GMNN: variants seen among roughly 807,000 people sequenced by gnomAD.
The protein encoded by GMNN is geminin DNA replication inhibitor, also known as geminin.
GMNN carries 14 observed loss-of-function variants against 20.9 expected under a neutral mutation model. The ratio of observed to expected loss-of-function variants is 0.67; its 90% confidence interval spans 0.44 to 1.05. The LOEUF is 1.05. Among genes scored for constraint, GMNN ranks in the 50% least tolerant of loss-of-function variants. The probability of loss-of-function intolerance (pLI) is 0.00; values close to 1 mark genes in which losing one functional copy is unlikely to be tolerated. For missense variants in GMNN, 227 were observed against 243.8 expected, an observed-to-expected ratio of 0.93 and a Z score of 0.46; for synonymous variants, 81 against 85.8, an observed-to-expected ratio of 0.94 and a Z score of 0.31.
chr6:24,781,578 T>A lies in GMNN; in HGVS notation c.231T>A (p.Asn77Lys). The A allele has an allele frequency of 6.4e-7, 1 of 1,553,764 alleles. No homozygotes were observed. The highest frequency in any genetic ancestry group is 8.8e-7 in the Non-Finnish European group (1 of 1,138,604). The change falls in exon 4 of 7, where the codon AAT becomes AAA. Residue 77 changes from asparagine (N) to lysine (K), a missense_variant. By Grantham distance (94) the Asn-to-Lys change is moderately conservative (BLOSUM62 0). Transcript: ENST00000230056. The part of the protein sequence containing the change: ...VIVPESSENK[N>K]LGGVTQESFD... ...TCCCAGAATCTAGTGAAAATAAAAA[T>A]CTTGGAGGAGTCACCCAGGAGTCAT...
At chr6:24,776,012 T>C (rs1013965828) in intron 1 of GMNN, among the ~76,000 whole-genome samples, 8 of 152,202 alleles carry the variant, frequency 5.3e-5, no homozygotes, top group Admixed American at 5.2e-4. Context: ...TAGGGTCTGT[T>C]TACTGGGGCC....
rs1581433390 is a variant in GMNN, at chr6:24,786,062, A to G, written c.*263A>G. ...AAACTCCTGTTGAACATTGTGTATA[A>G]CTTAGAATAATGAAATATAAGGAGT... On this transcript the variant is annotated 3_prime_UTR_variant, in exon 7 of 7. Coordinates refer to ENST00000230056, the MANE Select transcript of GMNN (RefSeq NM_015895.5). 2 of 312,590 alleles carry G rather than the reference A, an allele frequency of 6.4e-6. No individual in the cohort carries two copies. Among genetic ancestry groups the G allele is most frequent in the East Asian group, 1.4e-4 (2 of 14,652 alleles). 19.4% of individuals were successfully genotyped at this position (312,590 alleles called of 1,614,324 possible).
At position 24,784,488 on chromosome 6, in the gene GMNN, GA is replaced by G; in HGVS notation, c.407del (p.Lys136ArgfsTer9). The part of the protein sequence containing the change: ...EQKDNEIARL[K>X]KENKELAEVA... Reference sequence around the variant, plus strand: ...AAAAGGACAATGAAATTGCCCGCCTGAAAAAGGAGAATAAAGAACTGGCAGA... The same window carrying G: ...AAAAGGACAATGAAATTGCCCGCCTGAAAAGGAGAATAAAGAACTGGCAGA... On this transcript the variant is annotated frameshift_variant, in exon 6 of 7. Transcript: ENST00000230056. LOFTEE classifies it high-confidence loss of function. The G allele has an allele frequency of 3.1e-6, 5 of 1,589,148 alleles. No homozygotes were observed. Among genetic ancestry groups the G allele is most frequent in the Non-Finnish European group, 4.3e-6 (5 of 1,157,460 alleles).
chr6:24,777,180 C>T, intron 1 of GMNN, 42 bp from the exon 2 acceptor site: 1 of 637,640 alleles, frequency 1.6e-6, no homozygotes, highest in Admixed American at 3.1e-5. Flanking sequence ...AACCTAGACT[C>T]CACCTTCGGG....
chr6:24,781,500 G>A lies in GMNN; in HGVS notation c.153G>A (p.Arg51=). ...ENELSAGLSK[R]KHRNDHLTST... ...AGCTGTCCGCAGGCTTGTCCAAAAG[G>A]AAACATCGGAATGACCACTTAACAT... Residue 51 remains arginine (R), a synonymous_variant, in exon 4 of 7, where the codon AGG becomes AGA. Coordinates refer to ENST00000230056, the MANE Select transcript of GMNN (RefSeq NM_015895.5). The A allele has an allele frequency of 6.3e-7, 1 of 1,597,492 alleles. No homozygotes were observed. Among genetic ancestry groups the A allele is most frequent in the South Asian group, 1.1e-5 (1 of 89,982 alleles).
At chr6:24,785,595 T>C (rs770042845) in intron 6 of GMNN, 43 bp from the exon 7 acceptor site, 2 of 1,035,458 alleles carry the variant, frequency 1.9e-6, no homozygotes, top group African/African-American at 3.2e-5. Flanking sequence ...TCAGCTTAGG[T>C]TTTAACATTT....
chr6:24,777,210 T>G lies in GMNN; in HGVS notation c.-25-12T>G, dbSNP rs769322544. On this transcript the variant is annotated splice_polypyrimidine_tract_variant and intron_variant, in intron 1 of 6. Coordinates refer to ENST00000230056, the MANE Select transcript of GMNN (RefSeq NM_015895.5). ...TTCGGGGGTGCAAACCATATTGTTT[T>G]TTAATTACTAGTCTTCTGTGCTTCA... 9 of 1,034,928 alleles carry G rather than the reference T, an allele frequency of 8.7e-6. No individual in the cohort carries two copies. The highest frequency in any genetic ancestry group is 1.7e-5 in the African/African-American group (1 of 60,368). The allele number at this position is 1,034,928 out of a possible 1,614,324, so 64.1% of individuals were successfully genotyped here.
chr6:24,777,372 A>G, intron 2 of GMNN, 75 bp downstream of exon 2: 1 of 566,138 alleles, frequency 1.8e-6, no homozygotes, highest in African/African-American at 2.0e-5. Flanking sequence ...AATTTATCCA[A>G]ATTTAGCCTG....
At chr6:24,784,256 A>T (rs1780292346) in intron 5 of GMNN, 87 bp downstream of exon 5, 2 of 775,246 alleles carry the variant, frequency 2.6e-6, no homozygotes, top group Non-Finnish European at 4.5e-6. Flanking sequence ...AATATGGGCT[A>T]GCTTTAGTAT....
At chr6:24,785,129 TA>T (rs1780316672) in intron 6 of GMNN, among the ~76,000 whole-genome samples, 1 of 152,176 alleles carries the variant, frequency 6.6e-6, no homozygotes, top group Non-Finnish European at 1.5e-5. Context: ...GACTTGACCT[TA>T]AAAAGGTTTT....
At chr6:24,784,358 C>T in intron 5 of GMNN, 86 bp from the exon 6 acceptor site, 1 of 734,334 alleles carries the variant, frequency 1.4e-6, no homozygotes, top group East Asian at 2.5e-5. Flanking sequence ...TGCTGCATGT[C>T]CTCCATGTTA....
rs1356174849 is a variant in GMNN at position 24,786,042 on chromosome 6, C to G, written c.*243C>G. On this transcript the variant is annotated 3_prime_UTR_variant, in exon 7 of 7. Transcript: ENST00000230056. ...TTTATTACTAAATAAACTTCAAACT[C>G]CTGTTGAACATTGTGTATAACTTAG... The G allele has an allele frequency of 8.0e-6, 3 of 373,584 alleles. No homozygotes were observed. The highest frequency in any genetic ancestry group is 1.4e-5 in the Non-Finnish European group (3 of 209,982). 23.1% of individuals were successfully genotyped at this position (373,584 alleles called of 1,614,324 possible).
intron 6 of GMNN, among the ~76,000 whole-genome samples, chr6:24,785,165 A>T (rs577970485): frequency 6.6e-6 from 1 of 152,174 alleles, no homozygotes; most frequent in African/African-American, 2.4e-5. Context: ...CATGTTTGCA[A>T]AAAGTTTTTC....
intron 2 of GMNN, among the ~76,000 whole-genome samples, chr6:24,780,332 T>C (rs1238352984): frequency 6.6e-6 from 1 of 152,202 alleles, no homozygotes; most frequent in Admixed American, 6.5e-5. Flanking sequence ...TAGATATGAT[T>C]AACAAAATGA....
chr6:24,776,677 A>C (rs979520228), intron 1 of GMNN, among the ~76,000 whole-genome samples: 2 of 152,190 alleles, frequency 1.3e-5, no homozygotes, highest in Admixed American at 1.3e-4. Flanking sequence ...AGTCAACCGC[A>C]TTACATAGAT....
intron 4 of GMNN, among the ~76,000 whole-genome samples, chr6:24,783,798 G>T (rs1272763464): frequency 6.6e-6 from 1 of 152,006 alleles, no homozygotes; most frequent in Non-Finnish European, 1.5e-5. Flanking sequence ...AAAAATGTCA[G>T]TGTTACATAA....
chr6:24,785,909 T>G lies in GMNN; in HGVS notation c.*110T>G, dbSNP rs2113587376. 1.5e-6 allele frequency: 1 copy of G among 680,270 alleles called. No individual in the cohort carries two copies. The highest frequency in any genetic ancestry group is 2.4e-4 in the Middle Eastern group (1 of 4,122). 42.1% of individuals were successfully genotyped at this position (680,270 alleles called of 1,614,324 possible). A position where few individuals can be genotyped will look rare whatever the true frequency, so the allele number is the denominator to read the frequency against. Reference sequence around the variant, plus strand: ...ATGCCAACTCTGGAATCAAATTTCCTTGTTTGAATCCTGGGACCCTATTGC... The same window carrying G: ...ATGCCAACTCTGGAATCAAATTTCCGTGTTTGAATCCTGGGACCCTATTGC... On this transcript the variant is annotated 3_prime_UTR_variant, in exon 7 of 7. Coordinates refer to ENST00000230056, the MANE Select transcript of GMNN (RefSeq NM_015895.5).
In GMNN at chr6:24,784,069, T is replaced by A. The variant is rs764223940; in HGVS notation, c.275-18T>A. The A allele has an allele frequency of 3.4e-6, 4 of 1,177,856 alleles. No individual in the cohort carries two copies. The highest frequency in any genetic ancestry group is 5.0e-5 in the East Asian group (2 of 40,108). The allele number at this position is 1,177,856 out of a possible 1,614,324, so 73.0% of individuals were successfully genotyped here. A position where few individuals can be genotyped will look rare whatever the true frequency, so the allele number is the denominator to read the frequency against. On this transcript the variant is annotated intron_variant, in intron 4 of 6. Transcript: ENST00000230056. ...GACAGTAATGATTTTTAAAGTTATA[T>A]TTAAAATATTATTTTAGAAAATCCA...
intron 3 of GMNN, 29 bp downstream of exon 3, chr6:24,780,769 C>CTGG (rs1780192048): frequency 2.9e-6 from 3 of 1,035,014 alleles, no homozygotes; most frequent in Non-Finnish European, 4.6e-6. Flanking sequence ...AAATGGGGTA[C>CTGG]TGGTGATACA....
Sources: allele counts gnomAD v4.1 joint callset (sites outside exome capture counted in the v4.1 genomes callset), GRCh38; gene constraint gnomAD v4.1.1; transcripts MANE v1.5; gene names NCBI Gene and HGNC (gene_info 2026-07-23, HGNC 2026-07-21).